The following MYO16 variants were observed in gnomAD, a reference collection of about 807,000 sequenced individuals.
The protein encoded by MYO16 is unconventional myosin-XVI.
A neutral mutation model predicts 205.3 loss-of-function variants in MYO16; 94 were observed. That is an observed-to-expected ratio of 0.46 (90% confidence interval 0.39 to 0.54). The LOEUF is 0.54. Ranked by LOEUF, MYO16 falls within the 20% of genes least tolerant of loss-of-function variation. The pLI is 0.00. For missense variants in MYO16, 2,315 were observed against 2,387.5 expected (o/e 0.97, Z 0.63); for synonymous variants, 988 against 954.0 (o/e 1.04, Z -0.66).
At chr13:108,910,259 A>G (rs976105623) in intron 16 of MYO16, 109 bp downstream of exon 16, 4 of 1,235,786 alleles carry the variant, frequency 3.2e-6, no homozygotes, top group Non-Finnish European at 4.5e-6. Context: ...GGTGAGTAAA[A>G]GATAACTGTT....
intron 28 of MYO16, among the ~76,000 whole-genome samples, chr13:109,102,325 A>G (rs191728883): frequency 3.3e-5 from 5 of 152,162 alleles, no homozygotes; most frequent in African/African-American, 1.2e-4. Context: ...GTCTATAGGT[A>G]ACTGAAGTCA....
chr13:108,767,880 T>A (rs1377406425), intron 4 of MYO16, among the ~76,000 whole-genome samples: 1 of 152,210 alleles, frequency 6.6e-6, no homozygotes, highest in East Asian at 1.9e-4. Flanking sequence ...CACTTTAATA[T>A]GGTATTCTTT....
intron 27 of MYO16, among the ~76,000 whole-genome samples, chr13:109,068,855 T>C (rs935986140): frequency 1.3e-5 from 2 of 152,192 alleles, no homozygotes; most frequent in Admixed American, 1.3e-4. Context: ...CCTCCCAAAG[T>C]GCTGGAATTA....
intron 2 of MYO16, among the ~76,000 whole-genome samples, chr13:108,680,457 G>C (rs1475657835): frequency 3.9e-5 from 6 of 152,142 alleles, no homozygotes; most frequent in Admixed American, 6.5e-5. Flanking sequence ...CATATCCAAG[G>C]TTAATACATG....
intron 2 of MYO16, among the ~76,000 whole-genome samples, chr13:108,670,259 C>A (rs1320319284): frequency 4.6e-5 from 7 of 152,108 alleles, no homozygotes; most frequent in Admixed American, 4.6e-4. Context: ...CATTCTCAAT[C>A]CTGGCTGTAT....
chr13:108,661,790 CA>C (rs1298373872), intron 1 of MYO16, among the ~76,000 whole-genome samples: 1 of 152,092 alleles, frequency 6.6e-6, no homozygotes, highest in African/African-American at 2.4e-5. Flanking sequence ...TCAGGTAAAT[CA>C]GAGACTTCAT....
intron 12 of MYO16, among the ~76,000 whole-genome samples, chr13:108,881,240 A>G (rs542852888): frequency 1.3e-5 from 2 of 152,334 alleles, no homozygotes; most frequent in Non-Finnish European, 2.9e-5. Context: ...GACTGTTAGA[A>G]GGAAACTAAC....
chr13:108,838,644 G>T (rs1877059009), intron 9 of MYO16, among the ~76,000 whole-genome samples: 1 of 142,932 alleles, frequency 7.0e-6, no homozygotes, highest in Admixed American at 7.3e-5. Context: ...CTCCAGCCTG[G>T]GTGACAGAGT....
chr13:109,086,904 T>A (rs1331217186), intron 27 of MYO16, among the ~76,000 whole-genome samples: 1 of 152,242 alleles, frequency 6.6e-6, no homozygotes, highest in African/African-American at 2.4e-5. Context: ...TACATATCTG[T>A]TGCATTTCAT....
the MYO16 span, among the ~76,000 whole-genome samples, chr13:108,565,399 G>T: frequency 5.9e-5 from 9 of 152,028 alleles, no homozygotes; most frequent in Admixed American, 5.9e-4. Flanking sequence ...TCATTCATTG[G>T]TTAAGTTTAT....
At chr13:108,525,945 T>TC in the MYO16 span, among the ~76,000 whole-genome samples, 1 of 151,344 alleles carries the variant, frequency 6.6e-6, no homozygotes. Flanking sequence ...GGTCTGATTT[T>TC]TTTTTTTTTC....
At chr13:108,911,265 A>T (rs972736333) in intron 16 of MYO16, among the ~76,000 whole-genome samples, 4 of 152,136 alleles carry the variant, frequency 2.6e-5, no homozygotes, top group African/African-American at 9.7e-5. Context: ...CCCCATCTGA[A>T]GCCATTATAT....
chr13:109,019,088 C>T (rs766109440), intron 22 of MYO16, among the ~76,000 whole-genome samples: 3 of 151,830 alleles, frequency 2.0e-5, no homozygotes, highest in Non-Finnish European at 4.4e-5. Flanking sequence ...CTCACCTCAG[C>T]GTCCTGAGAA....
chr13:108,880,926 G>A (rs188269553), intron 12 of MYO16, among the ~76,000 whole-genome samples: 2 of 152,136 alleles, frequency 1.3e-5, no homozygotes, highest in Non-Finnish European at 2.9e-5. Context: ...TGATGAAGAT[G>A]GCATTGAATC....
rs9555510 is a variant in MYO16, at chr13:108,798,703, T to A, written c.741+5063T>A. On this transcript the variant is annotated intron_variant, in intron 6 of 34. Coordinates refer to ENST00000457511, the MANE Select transcript of MYO16 (RefSeq NM_001198950.3). The stretch of plus-strand genomic sequence containing the variant: ...CCCGAGGCTTATTTTTTTTTTTTTT[T>A]TTTTTTTTTTTTTGAGATGGAGTCT... 4.6e-3 allele frequency among the ~76,000 whole-genome samples: 533 copies of A among 114,976 alleles called. 4 individuals carry two copies. The highest frequency in any genetic ancestry group is 0.016 in the African/African-American group (491 of 30,436). 75.4% of individuals were successfully genotyped at this position (114,976 alleles called of 152,430 possible). A position where few individuals can be genotyped will look rare whatever the true frequency, so the allele number is the denominator to read the frequency against.
At chr13:108,945,962 T>C (rs1882923510) in intron 16 of MYO16, among the ~76,000 whole-genome samples, 1 of 152,226 alleles carries the variant, frequency 6.6e-6, no homozygotes, top group African/African-American at 2.4e-5. Context: ...CATGATATCC[T>C]GAAGCCAGAC....
chr13:108,650,327 G>A (rs1269431103), intron 1 of MYO16, among the ~76,000 whole-genome samples: 1 of 152,096 alleles, frequency 6.6e-6, no homozygotes, highest in Non-Finnish European at 1.5e-5. Flanking sequence ...TGTTCATTTT[G>A]CAATGTTGCT....
intron 2 of MYO16, among the ~76,000 whole-genome samples, chr13:108,687,329 A>C (rs1882719208): frequency 6.6e-6 from 1 of 152,096 alleles, no homozygotes; most frequent in Non-Finnish European, 1.5e-5. Context: ...TGGCCTTGTG[A>C]TTTTCAGTAT....
intron 1 of MYO16, among the ~76,000 whole-genome samples, chr13:108,601,405 A>G (rs1878757575): frequency 6.6e-6 from 1 of 152,180 alleles, no homozygotes; most frequent in Middle Eastern, 3.2e-3. Context: ...ATTTTAAATC[A>G]CATATATATA....
Sources: allele counts gnomAD v4.1 joint callset (sites outside exome capture counted in the v4.1 genomes callset), GRCh38; gene constraint gnomAD v4.1.1; transcripts MANE v1.5; gene names NCBI Gene and HGNC (gene_info 2026-07-23, HGNC 2026-07-21).